Variants in PCDHGA5 observed in about 807,000 individuals in gnomAD.
PCDHGA5 encodes the protein protocadherin gamma subfamily A, 5, also known as protocadherin gamma-A5.
Under a neutral mutation model 56.7 loss-of-function variants are expected in PCDHGA5, and 36 were observed. That is an observed-to-expected ratio of 0.64 (90% confidence interval 0.49 to 0.84). The LOEUF is 0.84. PCDHGA5 is among the 40% of genes least tolerant of loss of function. The pLI is 0.00. For missense variants in PCDHGA5, 1,305 were observed against 1,201.5 expected (o/e 1.09, Z -1.27); for synonymous variants, 563 against 520.2 (o/e 1.08, Z -1.12).
At chr5:141,403,501 G>A in intron 1 of PCDHGA5, 1 of 1,614,048 alleles carries the variant, frequency 6.2e-7, no homozygotes, top group South Asian at 1.1e-5. Context: ...TGAACGTGCA[G>A]ACTGGAGACA....
intron 1 of PCDHGA5, among the ~76,000 whole-genome samples, chr5:141,463,346 C>G (rs963070531): frequency 6.7e-6 from 1 of 150,312 alleles, no homozygotes; most frequent in Non-Finnish European, 1.5e-5. Context: ...TGGTGTTATT[C>G]TTGGATTTCC....
intron 1 of PCDHGA5, chr5:141,403,068 C>G (rs1178674622): frequency 6.2e-7 from 1 of 1,614,064 alleles, no homozygotes; most frequent in Admixed American, 1.7e-5. Context: ...CCTGAAGAGA[C>G]AGAAAAGGGC....
rs1185020546 is a variant in PCDHGA5, at chr5:141,485,472, C to A, written c.2422-9335C>A. 3 of 1,614,138 alleles carry A rather than the reference C, an allele frequency of 1.9e-6. No homozygotes were observed. Among genetic ancestry groups the A allele is most frequent in the Non-Finnish European group, 2.5e-6 (3 of 1,180,022 alleles). On this transcript the variant is annotated intron_variant, in intron 1 of 3. Transcript: ENST00000518069. The surrounding 1 kb of genome is among the most constrained non-coding windows in gnomAD (Gnocchi z 5.7). The stretch of plus-strand genomic sequence containing the variant: ...CGAGAGGCACTGTGTGGGCTCAGTG[C>A]CAGCTGCATCGTGCCCCTGGAGTTT...
chr5:141,439,289 T>C (rs1454088176), intron 1 of PCDHGA5, among the ~76,000 whole-genome samples: 1 of 151,850 alleles, frequency 6.6e-6, no homozygotes, highest in African/African-American at 2.4e-5. Flanking sequence ...CTGTGTTCCA[T>C]GGAAAAAGTA....
intron 1 of PCDHGA5, among the ~76,000 whole-genome samples, chr5:141,464,264 AAAAAAAAAAAAAAGC>A (rs974197911): frequency 4.0e-4 from 52 of 130,598 alleles, no homozygotes; most frequent in Non-Finnish European, 6.3e-4. Context: ...GACTCCGTCT[AAAAAAAAAAAAAAGC>A]AAAAAAAAAA....
chr5:141,446,482 CTT>C (rs112180482), intron 1 of PCDHGA5, among the ~76,000 whole-genome samples: 6 of 147,048 alleles, frequency 4.1e-5, no homozygotes, highest in East Asian at 4.0e-4. Context: ...GGTCATCATT[CTT>C]TTTTTTTTTT....
At chr5:141,439,473 G>T (rs1414737627) in intron 1 of PCDHGA5, among the ~76,000 whole-genome samples, 2 of 152,202 alleles carry the variant, frequency 1.3e-5, no homozygotes, top group South Asian at 2.1e-4. Context: ...CTGCCTTTCA[G>T]CTTGCAAATT....
At chr5:141,415,740 G>GTTTTTTTTTTTTTTTGT (rs2095912649) in intron 1 of PCDHGA5, 1 of 515,998 alleles carries the variant, frequency 1.9e-6, no homozygotes, top group Non-Finnish European at 2.6e-6. Flanking sequence ...GTTTATTAAG[G>GTTTTTTTTTTTTTTTGT]TTTTTTTTTT....
intron 1 of PCDHGA5, chr5:141,399,271 T>C: frequency 1.2e-6 from 2 of 1,613,926 alleles, no homozygotes; most frequent in Non-Finnish European, 1.7e-6. Flanking sequence ...TAATTGTCAA[T>C]TACAAGGCGA....
intron 1 of PCDHGA5, chr5:141,430,745 T>C (rs377018529): frequency 1.3e-4 from 191 of 1,499,634 alleles, no homozygotes; most frequent in Non-Finnish European, 1.7e-4. Context: ...AAAATAATTC[T>C]GGAGGAAGAT....
Position 141,364,635 on chromosome 5 carries a change from G to A in PCDHGA5, c.305G>A (p.Cys102Tyr), listed in dbSNP as rs1211803490. ...REELCAQSPL[C>Y]VVNFNILVEN... The stretch of plus-strand genomic sequence containing the variant: ...GAGCTCTGCGCTCAGAGCCCACTGT[G>A]TGTGGTGAACTTTAACATCTTGGTT... Residue 102 changes from cysteine to tyrosine, a missense_variant, in exon 1 of 4, where the codon TGT (cysteine) becomes TAT (tyrosine). Physicochemically the swap from Cys to Tyr is radical, Grantham distance 194. Transcript: ENST00000518069. 2.5e-6 allele frequency: 4 copies of A among 1,614,038 alleles called. No individual in the cohort carries two copies. The highest frequency in any genetic ancestry group is 1.3e-5 in the African/African-American group (1 of 74,960).
intron 1 of PCDHGA5, chr5:141,389,909 C>A: frequency 6.2e-7 from 1 of 1,614,068 alleles, no homozygotes; most frequent in Non-Finnish European, 8.5e-7. Flanking sequence ...ATATCACTGA[C>A]CGCCCCGACC....
In PCDHGA5 at chr5:141,432,038, C is replaced by T. The variant is rs202246871; in HGVS notation, c.2422-62769C>T. ...CAACATCACAGTGACCGCCACTGAC[C>T]GGGGAACCCCGCCCCTATCCACGGA... On this transcript the variant is annotated intron_variant, in intron 1 of 3. Coordinates refer to ENST00000518069, the MANE Select transcript of PCDHGA5 (RefSeq NM_018918.3). The surrounding 1 kb of genome is among the most constrained non-coding windows in gnomAD (Gnocchi z 6.0). 15 of 1,614,190 alleles carry T rather than the reference C, an allele frequency of 9.3e-6. No individual in the cohort carries two copies. The African/African-American group carries it at 1.5e-4, about 16-fold the overall frequency.
Position 141,478,507 on chromosome 5 carries a change from T to C in PCDHGA5, c.2422-16300T>C, listed in dbSNP as rs781120326. The C allele has an allele frequency of 4.3e-6, 7 of 1,612,048 alleles. No homozygotes were observed. In the East Asian group the frequency reaches 1.3e-4, roughly 31 times the overall value. On this transcript the variant is annotated intron_variant, in intron 1 of 3. Transcript: ENST00000518069. The stretch of plus-strand genomic sequence containing the variant: ...TGCGGAGCTGTGATCCGGTGTTCTA[T>C]AGGCAGGTGTTGGGTGCAGAGAGCG...
chr5:141,377,400 G>A (rs1463331041), intron 1 of PCDHGA5: 1 of 152,108 alleles, frequency 6.6e-6, no homozygotes, highest in Non-Finnish European at 1.5e-5. Context: ...GAGACCAGGA[G>A]TTTGAGACCA....
rs752171326 is a variant in PCDHGA5 at position 141,395,310 on chromosome 5, A to C, written c.2421+28559A>C. The stretch of plus-strand genomic sequence containing the variant: ...TGGCATAAATTATGTTTTGAAAAAC[A>C]TTGTGAAGATAGTTGAAAATAATTT... On this transcript the variant is annotated intron_variant, in intron 1 of 3. Transcript: ENST00000518069. The C allele has an allele frequency of 3.3e-6, 5 of 1,502,410 alleles. No homozygotes were observed. In the East Asian group the frequency reaches 1.1e-4, roughly 34 times the overall value. 93.1% of individuals were successfully genotyped at this position (1,502,410 alleles called of 1,614,324 possible).
intron 1 of PCDHGA5, chr5:141,421,690 C>T: frequency 6.2e-7 from 1 of 1,613,948 alleles, no homozygotes. Context: ...GCGATTTGCT[C>T]TTCCTAATGC....
intron 2 of PCDHGA5, among the ~76,000 whole-genome samples, chr5:141,497,539 C>A (rs2099777336): frequency 6.9e-6 from 1 of 145,274 alleles, no homozygotes; most frequent in African/African-American, 2.6e-5. Context: ...ATGCAACAAA[C>A]CTTTTTTTTT....
Position 141,476,437 on chromosome 5 carries a change from T to C in PCDHGA5, c.2422-18370T>C, listed in dbSNP as rs1260141259. The C allele has an allele frequency of 6.2e-7, 1 of 1,614,004 alleles. No homozygotes were observed. Among genetic ancestry groups the C allele is most frequent in the East Asian group, 2.2e-5 (1 of 44,836 alleles). ...GGACACTGCCCTCTTGCACTGTAAC[T>C]CTGGAGTTGGTAGTGGAGAACCCGC... On this transcript the variant is annotated intron_variant, in intron 1 of 3. Transcript: ENST00000518069. This position sits in a 1 kb window ranked among gnomAD's most constrained non-coding sequence, Gnocchi z 7.6.
Sources: allele counts gnomAD v4.1 joint callset (sites outside exome capture counted in the v4.1 genomes callset), GRCh38; gene constraint gnomAD v4.1.1; non-coding constraint Gnocchi (gnomAD v3.1); transcripts MANE v1.5; gene names NCBI Gene and HGNC (gene_info 2026-07-23, HGNC 2026-07-21).